Variants in RNF150 observed in about 807,000 individuals in gnomAD.
The protein encoded by RNF150 is ring finger protein 150.
A neutral mutation model predicts 39.3 loss-of-function variants in RNF150; 24 were observed. That is an observed-to-expected ratio of 0.61 (90% confidence interval 0.44 to 0.86). The LOEUF (loss-of-function observed/expected upper bound fraction) is 0.86. RNF150 is among the 40% of genes least tolerant of loss of function. The probability of loss-of-function intolerance (pLI) is 0.00; values close to 1 mark genes in which losing one functional copy is unlikely to be tolerated. For missense variants in RNF150, 502 were observed against 587.8 expected (o/e 0.85, Z 1.51); for synonymous variants, 255 against 227.3 (o/e 1.12, Z -1.10).
At position 141,078,521 on chromosome 4, in the gene RNF150, C is replaced by T. The variant is rs150182148; in HGVS notation, c.484+53804G>A. Among the ~76,000 whole-genome samples, 662 of 151,726 alleles carry T rather than the reference C, an allele frequency of 4.4e-3. 7 individuals carry two copies. The highest frequency in any genetic ancestry group is 0.012 in the African/African-American group (517 of 41,362). On this transcript the variant is annotated intron_variant, in intron 1 of 6. Coordinates refer to ENST00000515673, the MANE Select transcript of RNF150 (RefSeq NM_020724.2). ...AAGATTAAAGATATGTTCATAATCA[C>T]GCCTGTAATCCCAGCACTTTGGGAG...
chr4:140,969,090 G>A (rs1301508887), intron 1 of RNF150, among the ~76,000 whole-genome samples: 1 of 152,044 alleles, frequency 6.6e-6, no homozygotes, highest in Non-Finnish European at 1.5e-5. Context: ...CACATGTTGA[G>A]GTCAGTTAGA....
At chr4:141,116,799 A>G (rs1055706489) in intron 1 of RNF150, among the ~76,000 whole-genome samples, 1 of 152,238 alleles carries the variant, frequency 6.6e-6, no homozygotes, top group African/African-American at 2.4e-5. Flanking sequence ...ACCATGAAAT[A>G]GTATGCAGCC....
intron 1 of RNF150, among the ~76,000 whole-genome samples, chr4:141,141,931 TTC>T (rs1727123981): frequency 6.6e-6 from 1 of 152,154 alleles, no homozygotes; most frequent in African/African-American, 2.4e-5. Flanking sequence ...TTAAGGACAA[TTC>T]TCTCTCGCAT....
chr4:140,954,682 T>C (rs1444831872), intron 2 of RNF150, among the ~76,000 whole-genome samples: 1 of 152,174 alleles, frequency 6.6e-6, no homozygotes, highest in Non-Finnish European at 1.5e-5. Context: ...ATTAAAATAA[T>C]AAAGTCCTAC....
At chr4:141,157,417 GATTC>G (rs1265177139) in intron 1 of RNF150, among the ~76,000 whole-genome samples, 2 of 152,202 alleles carry the variant, frequency 1.3e-5, no homozygotes, top group African/African-American at 4.8e-5. Context: ...AGCCACCAGT[GATTC>G]ATAGTACAGA....
intron 6 of RNF150, among the ~76,000 whole-genome samples, chr4:140,907,225 G>A (rs1730415453): frequency 6.6e-6 from 1 of 152,174 alleles, no homozygotes; most frequent in South Asian, 2.1e-4. Flanking sequence ...GGTGAGTAAC[G>A]TGTGGGCATT....
intron 1 of RNF150, among the ~76,000 whole-genome samples, chr4:141,131,895 T>C (rs980915571): frequency 2.0e-5 from 3 of 151,968 alleles, no homozygotes; most frequent in Non-Finnish European, 4.4e-5. Flanking sequence ...ACCCTACCCC[T>C]CTCCTGATAT....
intron 1 of RNF150, among the ~76,000 whole-genome samples, chr4:141,145,141 C>G (rs1164522078): frequency 3.9e-5 from 6 of 152,258 alleles, no homozygotes; most frequent in Admixed American, 3.9e-4. Context: ...AGTAACACTT[C>G]AATTCCCAAA....
At chr4:141,166,416 T>C (rs748880531) in intron 1 of RNF150, among the ~76,000 whole-genome samples, 6 of 152,148 alleles carry the variant, frequency 3.9e-5, no homozygotes, top group Non-Finnish European at 7.3e-5. Context: ...TTCCAAACAA[T>C]GGGAAAAGAG....
intron 1 of RNF150, among the ~76,000 whole-genome samples, chr4:141,158,471 A>G (rs1369317): frequency 0.011 from 1,652 of 152,236 alleles, 30 homozygotes; most frequent in African/African-American, 0.037. Context: ...TCAAAAAAAA[A>G]AAAAGCCTAA....
At chr4:141,099,167 A>G (rs1738913142) in intron 1 of RNF150, among the ~76,000 whole-genome samples, 2 of 152,104 alleles carry the variant, frequency 1.3e-5, no homozygotes, top group African/African-American at 4.8e-5. Context: ...TTGCTGATAT[A>G]AAAGGATGAA....
At chr4:141,110,878 C>T (rs144898014) in intron 1 of RNF150, among the ~76,000 whole-genome samples, 1 of 152,220 alleles carries the variant, frequency 6.6e-6, no homozygotes, top group East Asian at 1.9e-4. Context: ...CCTGCAACTC[C>T]TACTCATTAT....
chr4:141,100,278 G>A (rs1738959374), intron 1 of RNF150, among the ~76,000 whole-genome samples: 1 of 152,108 alleles, frequency 6.6e-6, no homozygotes, highest in Admixed American at 6.6e-5. Flanking sequence ...CCTAAGAAAA[G>A]CAGTAACTTC....
chr4:140,960,403 G>C (rs1186329681), intron 2 of RNF150, among the ~76,000 whole-genome samples: 2 of 152,148 alleles, frequency 1.3e-5, no homozygotes, highest in African/African-American at 4.8e-5. Context: ...AGTGATAAAG[G>C]TAAATGGGTA....
At chr4:141,027,741 A>G (rs897262905) in intron 1 of RNF150, among the ~76,000 whole-genome samples, 4 of 152,100 alleles carry the variant, frequency 2.6e-5, no homozygotes, top group Non-Finnish European at 4.4e-5. Context: ...CCTATATAAG[A>G]CTTAGCCCCT....
intron 1 of RNF150, among the ~76,000 whole-genome samples, chr4:141,188,042 G>A (rs1460610988): frequency 2.0e-5 from 3 of 152,284 alleles, no homozygotes; most frequent in Non-Finnish European, 2.9e-5. Flanking sequence ...GGCAAGCCTG[G>A]TGGTGACAAA....
At chr4:140,938,165 C>G (rs1731932406) in intron 4 of RNF150, among the ~76,000 whole-genome samples, 1 of 152,156 alleles carries the variant, frequency 6.6e-6, no homozygotes, top group African/African-American at 2.4e-5. Context: ...ATTCATTTGA[C>G]TCATCTTAAA....
At chr4:140,900,494 G>GA (rs1730151225) in intron 6 of RNF150, among the ~76,000 whole-genome samples, 1 of 152,120 alleles carries the variant, frequency 6.6e-6, no homozygotes, top group Non-Finnish European at 1.5e-5. Context: ...ATCAATTAGT[G>GA]AAAAAATAAA....
intron 1 of RNF150, among the ~76,000 whole-genome samples, chr4:141,066,683 A>T (rs1439657670): frequency 6.6e-6 from 1 of 152,210 alleles, no homozygotes; most frequent in Non-Finnish European, 1.5e-5. Context: ...AGATACACAA[A>T]AGCACAAAAC....
Sources: allele counts gnomAD v4.1 joint callset (sites outside exome capture counted in the v4.1 genomes callset), GRCh38; gene constraint gnomAD v4.1.1; transcripts MANE v1.5; gene names NCBI Gene and HGNC (gene_info 2026-07-23, HGNC 2026-07-21).